The following ACACA variants were observed in gnomAD, a reference collection of about 807,000 sequenced individuals.
ACACA encodes acetyl-CoA carboxylase alpha.
A neutral mutation model predicts 296.1 loss-of-function variants in ACACA; 103 were observed. The observed-to-expected ratio is 0.35, with a 90% confidence interval of 0.30 to 0.41. The LOEUF is 0.41. Ranked by LOEUF, ACACA falls within the 10% of genes least tolerant of loss-of-function variation. The pLI, the probability that ACACA is intolerant of heterozygous loss-of-function variation, is 1.00. For synonymous variants in ACACA, 953 were observed against 1,038.6 expected (o/e 0.92, Z 1.58); for missense variants, 1,554 against 2,989.7 (o/e 0.52, Z 11.20).
At chr17:37,363,179 CTTTTTTTTTTTTT>C (rs902746004) in intron 1 of ACACA, among the ~76,000 whole-genome samples, 3 of 72,850 alleles carry the variant, frequency 4.1e-5, no homozygotes, top group Non-Finnish European at 7.0e-5. Flanking sequence ...TTCTCTTTTT[CTTTTTTTTTTTTT>C]TTTTTTTTTT....
chr17:37,360,673 C>T (rs1290317547), intron 1 of ACACA, among the ~76,000 whole-genome samples: 1 of 150,896 alleles, frequency 6.6e-6, no homozygotes, highest in Admixed American at 6.6e-5. Context: ...AAGACCCCAT[C>T]TCTAAATAAA....
chr17:37,357,039 A>C (rs1025812153), intron 1 of ACACA, among the ~76,000 whole-genome samples: 2 of 152,210 alleles, frequency 1.3e-5, no homozygotes, highest in South Asian at 2.1e-4. Flanking sequence ...CAGATGAGAG[A>C]GCGTTCTCTG....
At chr17:37,261,826 A>AT (rs1383717438) in intron 11 of ACACA, among the ~76,000 whole-genome samples, 1 of 152,024 alleles carries the variant, frequency 6.6e-6, no homozygotes, top group African/African-American at 2.4e-5. Context: ...ATTGCTATGT[A>AT]TTTTTCATTT....
chr17:37,218,712 G>C (rs894941647), intron 29 of ACACA, among the ~76,000 whole-genome samples: 2 of 152,242 alleles, frequency 1.3e-5, no homozygotes, highest in Non-Finnish European at 1.5e-5. Flanking sequence ...TTACAGGACA[G>C]AGTGGAACAA....
chr17:37,252,851 C>A (rs758654446), intron 15 of ACACA, 35 bp downstream of exon 15: 2 of 1,613,070 alleles, frequency 1.2e-6, no homozygotes. Flanking sequence ...CTATAAAAAC[C>A]CAATCCCAGC....
At chr17:37,302,043 C>T (rs761017400) in intron 3 of ACACA, among the ~76,000 whole-genome samples, 29 of 151,708 alleles carry the variant, frequency 1.9e-4, no homozygotes, top group Non-Finnish European at 3.2e-4. Context: ...TGCAGTGGCA[C>T]GATCTCCACT....
At chr17:37,187,058 A>C (rs1239898659) in intron 39 of ACACA, among the ~76,000 whole-genome samples, 1 of 148,796 alleles carries the variant, frequency 6.7e-6, no homozygotes, top group Non-Finnish European at 1.5e-5. Flanking sequence ...CTTTGACTGA[A>C]AATGTCTTTA....
At chr17:37,190,602 T>A (rs1446612825) in intron 38 of ACACA, among the ~76,000 whole-genome samples, 1 of 152,088 alleles carries the variant, frequency 6.6e-6, no homozygotes, top group Non-Finnish European at 1.5e-5. Flanking sequence ...ACATAATACA[T>A]GAGAAATTCC....
chr17:37,222,856 G>C lies in ACACA; in HGVS notation c.3564+656C>G, dbSNP rs1002344614. On this transcript the variant is annotated intron_variant, in intron 28 of 55. Coordinates refer to ENST00000616317, the MANE Select transcript of ACACA (RefSeq NM_198834.3). ...GTGGTATTCAGGGCCTGCAATTTTT[G>C]TGCTTAATGAGGTAGTGTGCTGTAG... Among the ~76,000 whole-genome samples, 3 of 152,186 alleles carry C rather than the reference G, an allele frequency of 2.0e-5. No homozygotes were observed. In the South Asian group the frequency reaches 6.2e-4, roughly 31 times the overall value.
At chr17:37,247,014 C>G in intron 18 of ACACA, 38 bp from the exon 19 acceptor site, 1 of 1,611,106 alleles carries the variant, frequency 6.2e-7, no homozygotes. Flanking sequence ...TAAGAAAGCA[C>G]CTCAGGATGT....
At chr17:37,372,082 C>A (rs1028269399) in intron 1 of ACACA, among the ~76,000 whole-genome samples, 4 of 151,846 alleles carry the variant, frequency 2.6e-5, no homozygotes, top group Non-Finnish European at 5.9e-5. Context: ...TAAAAACAAA[C>A]CAAAACAAAT....
chr17:37,278,266 G>A (rs918201165), intron 5 of ACACA, among the ~76,000 whole-genome samples: 12 of 152,152 alleles, frequency 7.9e-5, no homozygotes, highest in Non-Finnish European at 1.6e-4. Flanking sequence ...TCTTTCTGAG[G>A]AATCTTTATG....
intron 1 of ACACA, among the ~76,000 whole-genome samples, chr17:37,384,562 TA>T (rs539817178): frequency 2.4e-4 from 36 of 148,616 alleles, no homozygotes; most frequent in South Asian, 4.3e-4. Flanking sequence ...TCTTACAGAT[TA>T]AAAAAAAAAA....
At chr17:37,296,712 A>G (rs1247211211) in intron 3 of ACACA, among the ~76,000 whole-genome samples, 1 of 151,514 alleles carries the variant, frequency 6.6e-6, no homozygotes, top group Non-Finnish European at 1.5e-5. Flanking sequence ...TTAGATTTCA[A>G]CATATACATT....
At chr17:37,349,378 CATATATAT>C (rs147882161) in intron 1 of ACACA, among the ~76,000 whole-genome samples, 1 of 143,228 alleles carries the variant, frequency 7.0e-6, no homozygotes, top group South Asian at 2.2e-4. Flanking sequence ...CATATTCTTA[CATATATAT>C]ATATATATAA....
chr17:37,321,648 T>C (rs2047360172), intron 3 of ACACA, among the ~76,000 whole-genome samples: 1 of 151,710 alleles, frequency 6.6e-6, no homozygotes, highest in African/African-American at 2.4e-5. Flanking sequence ...CTGGGGAGGG[T>C]GAGGCAGGAG....
chr17:37,280,131 TA>T lies in ACACA; in HGVS notation c.611-2127del, dbSNP rs1406785558. ...AAATACTCTCACCTATGTTAGGTATTATCAATGTCTTCAATTTTGTGAGTTT... is the reference window on the plus strand; with the variant it reads ...AAATACTCTCACCTATGTTAGGTATTTCAATGTCTTCAATTTTGTGAGTTT... On this transcript the variant is annotated intron_variant, in intron 5 of 55. Transcript: ENST00000616317. 3.3e-5 allele frequency among the ~76,000 whole-genome samples: 5 copies of T among 152,276 alleles called. No individual in the cohort carries two copies. The East Asian group carries it at 9.7e-4, about 29-fold the overall frequency.
At chr17:37,270,369 T>C (rs898854101) in intron 10 of ACACA, among the ~76,000 whole-genome samples, 2 of 152,130 alleles carry the variant, frequency 1.3e-5, no homozygotes, top group Non-Finnish European at 2.9e-5. Flanking sequence ...CATACCACCA[T>C]ATCACATATG....
chr17:37,291,738 T>C (rs1455439085), intron 3 of ACACA, among the ~76,000 whole-genome samples: 1 of 152,156 alleles, frequency 6.6e-6, no homozygotes, highest in Non-Finnish European at 1.5e-5. Flanking sequence ...CCATTACAAA[T>C]CTCAATTCTC....
Sources: allele counts gnomAD v4.1 joint callset (sites outside exome capture counted in the v4.1 genomes callset), GRCh38; gene constraint gnomAD v4.1.1; transcripts MANE v1.5; gene names NCBI Gene and HGNC (gene_info 2026-07-23, HGNC 2026-07-21).